Variants in ASIC2 observed in about 807,000 individuals in gnomAD.
ASIC2 encodes the protein acid sensing ion channel subunit 2.
A neutral mutation model predicts 57.3 loss-of-function variants in ASIC2; 25 were observed. The observed-to-expected ratio is 0.44, with a 90% confidence interval of 0.32 to 0.61. ASIC2 has a LOEUF of 0.61. Among genes scored for constraint, ASIC2 ranks in the 20% least tolerant of loss-of-function variants. The pLI is 0.06. For synonymous variants in ASIC2, 319 were observed against 307.5 expected (o/e 1.04, Z -0.39); for missense variants, 641 against 738.1 (o/e 0.87, Z 1.52).
At chr17:33,193,078 G>A (rs904156437) in intron 1 of ASIC2, among the ~76,000 whole-genome samples, 13 of 152,118 alleles carry the variant, frequency 8.5e-5, no homozygotes, top group Admixed American at 5.2e-4. Flanking sequence ...TAGAACTAAC[G>A]GATTTGAAAG....
intron 1 of ASIC2, among the ~76,000 whole-genome samples, chr17:33,459,257 T>A (rs1290262498): frequency 6.6e-6 from 1 of 152,082 alleles, no homozygotes; most frequent in Non-Finnish European, 1.5e-5. Flanking sequence ...GGTCGGTCTG[T>A]GCTCTTGCTG....
intron 1 of ASIC2, among the ~76,000 whole-genome samples, chr17:33,827,577 CAA>C (rs1337276477): frequency 4.0e-5 from 6 of 151,016 alleles, no homozygotes; most frequent in African/African-American, 1.2e-4. Flanking sequence ...ATTTCCTGAC[CAA>C]GTGATCCACC....
chr17:33,887,867 G>C (rs1477286310), intron 1 of ASIC2, among the ~76,000 whole-genome samples: 2 of 152,098 alleles, frequency 1.3e-5, no homozygotes, highest in Non-Finnish European at 2.9e-5. Context: ...TCCTTGAATT[G>C]CCATGGTTCT....
At chr17:33,253,611 A>C (rs757796853) in intron 1 of ASIC2, among the ~76,000 whole-genome samples, 8 of 152,256 alleles carry the variant, frequency 5.3e-5, no homozygotes, top group Non-Finnish European at 1.2e-4. Context: ...ATTTGCTGGC[A>C]GATAGGATCC....
At chr17:34,099,158 GAGAGAGAAAGAAAGAA>G (rs1910686758) in intron 1 of ASIC2, among the ~76,000 whole-genome samples, 5 of 28,886 alleles carry the variant, frequency 1.7e-4, no homozygotes, top group African/African-American at 4.1e-4. Flanking sequence ...GAGAGAGAGA[GAGAGAGAAAGAAAGAA>G]AGAAAGAAAG....
intron 1 of ASIC2, chr17:33,534,272 AC>A (rs1335015757): frequency 3.9e-5 from 6 of 152,226 alleles, no homozygotes; most frequent in Non-Finnish European, 8.8e-5. Context: ...GCGCTCTTTG[AC>A]ACAAATCATT....
At chr17:33,336,153 A>C (rs1907506954) in intron 1 of ASIC2, among the ~76,000 whole-genome samples, 1 of 151,476 alleles carries the variant, frequency 6.6e-6, no homozygotes, top group Non-Finnish European at 1.5e-5. Flanking sequence ...TGCTCCCCTC[A>C]CCCCAGGATC....
intron 1 of ASIC2, among the ~76,000 whole-genome samples, chr17:33,693,727 G>A (rs1051384607): frequency 1.8e-4 from 28 of 152,184 alleles, no homozygotes; most frequent in African/African-American, 5.8e-4. Context: ...AATCTGGGGC[G>A]TACTTTGAGG....
chr17:33,462,214 T>C (rs537926446), intron 1 of ASIC2, among the ~76,000 whole-genome samples: 2 of 152,320 alleles, frequency 1.3e-5, no homozygotes, highest in Admixed American at 6.5e-5. Flanking sequence ...TACTCCCTGG[T>C]ACCTGTCCTC....
At chr17:33,710,341 C>T (rs779118524) in intron 1 of ASIC2, among the ~76,000 whole-genome samples, 2 of 152,180 alleles carry the variant, frequency 1.3e-5, no homozygotes, top group Non-Finnish European at 2.9e-5. Flanking sequence ...TCAGTTAGAT[C>T]CCACACACAC....
At chr17:33,404,961 T>C (rs1265811624) in intron 1 of ASIC2, among the ~76,000 whole-genome samples, 1 of 152,166 alleles carries the variant, frequency 6.6e-6, no homozygotes, top group Non-Finnish European at 1.5e-5. Flanking sequence ...ATGACTTATT[T>C]GATAAGCAGT....
chr17:33,922,276 A>ACTCCCTCCCTCCTTCCTTCC (rs1358437003), intron 1 of ASIC2, among the ~76,000 whole-genome samples: 5 of 149,570 alleles, frequency 3.3e-5, no homozygotes, highest in South Asian at 2.1e-4. Context: ...TAAGGTGAGG[A>ACTCCCTCCCTCCTTCCTTCC]CTCCCTCCCT....
intron 1 of ASIC2, among the ~76,000 whole-genome samples, chr17:33,134,673 T>C (rs553922649): frequency 6.6e-6 from 1 of 152,352 alleles, no homozygotes; most frequent in South Asian, 2.1e-4. Context: ...AACGCAGCAC[T>C]GGTTGTCCTG....
chr17:33,827,303 A>C (rs2141897648), intron 1 of ASIC2, among the ~76,000 whole-genome samples: 1 of 146,028 alleles, frequency 6.8e-6, no homozygotes, highest in South Asian at 2.2e-4. Flanking sequence ...TCTTTACTTT[A>C]GACCCATAGG....
chr17:33,394,404 C>T (rs1426203182), intron 1 of ASIC2, among the ~76,000 whole-genome samples: 2 of 152,218 alleles, frequency 1.3e-5, no homozygotes, highest in Non-Finnish European at 2.9e-5. Context: ...TTGGGCCTCA[C>T]CACCAGAGTT....
chr17:34,077,791 G>C (rs943766812), intron 1 of ASIC2, among the ~76,000 whole-genome samples: 1 of 152,100 alleles, frequency 6.6e-6, no homozygotes, highest in Non-Finnish European at 1.5e-5. Context: ...TAAGTGCCCA[G>C]AGAGAGTGCG....
chr17:33,864,451 AG>A (rs1914179709), intron 1 of ASIC2, among the ~76,000 whole-genome samples: 1 of 152,250 alleles, frequency 6.6e-6, no homozygotes, highest in African/African-American at 2.4e-5. Context: ...CCGATAGGGC[AG>A]GTAGTTAGCC....
chr17:33,383,149 A>G (rs987225555), intron 1 of ASIC2, among the ~76,000 whole-genome samples: 2 of 152,244 alleles, frequency 1.3e-5, no homozygotes, highest in Non-Finnish European at 2.9e-5. Flanking sequence ...AAGTCCTTTC[A>G]GTAGAGTTAG....
At chr17:34,012,207 A>T (rs1906792487) in intron 1 of ASIC2, among the ~76,000 whole-genome samples, 1 of 152,150 alleles carries the variant, frequency 6.6e-6, no homozygotes, top group Non-Finnish European at 1.5e-5. Flanking sequence ...GAGAAACTCC[A>T]GGCCCCCGAA....
Sources: allele counts gnomAD v4.1 joint callset (sites outside exome capture counted in the v4.1 genomes callset), GRCh38; gene constraint gnomAD v4.1.1; transcripts MANE v1.5; gene names NCBI Gene and HGNC (gene_info 2026-07-23, HGNC 2026-07-21).